Variants in PAQR5 observed in about 807,000 individuals in gnomAD.
The protein encoded by PAQR5 is progestin and adipoQ receptor family member 5, also known as membrane progestin receptor gamma.
In PAQR5, 20 loss-of-function variants were observed where a neutral mutation model predicts 34.5. The ratio of observed to expected loss-of-function variants is 0.58; its 90% CI spans 0.41 to 0.84. PAQR5 has a LOEUF of 0.84. Among genes scored for constraint, PAQR5 ranks in the 40% least tolerant of loss-of-function variants. PAQR5 has a pLI of 0.00. For synonymous variants in PAQR5, 131 were observed against 155.6 expected (o/e 0.84, Z 1.18); for missense variants, 378 against 412.7 (o/e 0.92, Z 0.73).
intron 6 of PAQR5, among the ~76,000 whole-genome samples, chr15:69,390,477 A>G (rs1192087729): frequency 6.6e-6 from 1 of 151,656 alleles, no homozygotes; most frequent in Non-Finnish European, 1.5e-5. Context: ...AATTTGTAAT[A>G]ATTTTTGAAC....
At chr15:69,332,292 T>C (rs575741986) in intron 1 of PAQR5, among the ~76,000 whole-genome samples, 42 of 152,334 alleles carry the variant, frequency 2.8e-4, no homozygotes, top group African/African-American at 9.6e-4. Flanking sequence ...TCAAGCCAGC[T>C]TGGCAGGCTG....
In PAQR5 at chr15:69,355,277, CTCTT is replaced by C. The variant is rs1163288457; in HGVS notation, c.-115-4679_-115-4676del. Among the ~76,000 whole-genome samples the C allele has an allele frequency of 2.8e-4, 43 of 151,202 alleles. 1 individual carries two copies. Among genetic ancestry groups the C allele is most frequent in the African/African-American group, 2.7e-4 (11 of 41,112 alleles). On this transcript the variant is annotated intron_variant, in intron 2 of 8. Transcript: ENST00000395407. The stretch of plus-strand genomic sequence containing the variant: ...ACAGGAGTATATTTGTCTTCTTTCT[CTCTT>C]TCTTTCTTTTCTTTCTTTCTTTCTT...
chr15:69,335,990 T>C (rs1373157780), intron 1 of PAQR5, among the ~76,000 whole-genome samples: 1 of 152,128 alleles, frequency 6.6e-6, no homozygotes, highest in African/African-American at 2.4e-5. Context: ...TAAAAGATAA[T>C]GAAAGTGGTT....
rs982868537 is a variant in PAQR5 at position 69,387,804 on chromosome 15, T to C, written c.386-1850T>C. Among the ~76,000 whole-genome samples, 4 of 152,140 alleles carry C rather than the reference T, an allele frequency of 2.6e-5. No individual in the cohort carries two copies. In the South Asian group the frequency reaches 8.3e-4, roughly 32 times the overall value. On this transcript the variant is annotated intron_variant, in intron 5 of 8. Transcript: ENST00000395407. ...GGTCTCCCTTCTCTGTATCCTCCCA[T>C]AGGCCATTCCCCAGAACTCCCTCTT...
At chr15:69,365,579 G>A (rs1321558642) in intron 3 of PAQR5, among the ~76,000 whole-genome samples, 1 of 151,964 alleles carries the variant, frequency 6.6e-6, no homozygotes, top group Non-Finnish European at 1.5e-5. Flanking sequence ...TTAATCTATT[G>A]CTAGAGTCAG....
At chr15:69,341,375 A>AG (rs1212210788) in intron 2 of PAQR5, among the ~76,000 whole-genome samples, 3 of 120,510 alleles carry the variant, frequency 2.5e-5, no homozygotes, top group Non-Finnish European at 5.3e-5. Flanking sequence ...TTTTTTTTAA[A>AG]AAATAGGGTC....
chr15:69,384,892 G>A lies in PAQR5; in HGVS notation c.385+10G>A. On this transcript the variant is annotated intron_variant, in intron 5 of 8. Transcript: ENST00000395407. ...AACCTCTTCAGCCTGGGTATGTGAG[G>A]CCTTGTTCTTGCTTTCCTTCCCCTG... is the stretch of plus-strand genomic sequence containing the variant. The A allele has an allele frequency of 6.2e-7, 1 of 1,609,610 alleles. No individual in the cohort carries two copies. The highest frequency in any genetic ancestry group is 2.2e-5 in the East Asian group (1 of 44,862).
chr15:69,399,492 T>C (rs2056555964), intron 7 of PAQR5, among the ~76,000 whole-genome samples: 1 of 152,210 alleles, frequency 6.6e-6, no homozygotes, highest in Non-Finnish European at 1.5e-5. Flanking sequence ...CTATTAGTAA[T>C]TAAGTTTGGG....
chr15:69,321,608 T>A (rs12439741), intron 1 of PAQR5, among the ~76,000 whole-genome samples: 7,580 of 152,310 alleles, frequency 0.05, 391 homozygotes, highest in East Asian at 0.15. Flanking sequence ...ATTAGTTTGT[T>A]TGAGATTTCC....
chr15:69,339,035 G>A (rs1386659977), intron 2 of PAQR5, among the ~76,000 whole-genome samples: 1 of 152,104 alleles, frequency 6.6e-6, no homozygotes, highest in Non-Finnish European at 1.5e-5. Context: ...TGGATCAGCA[G>A]GCACCGCTCA....
rs574185793 is a variant in PAQR5, at chr15:69,399,847, T to G, written c.610-127T>G. On this transcript the variant is annotated intron_variant, in intron 7 of 8. Transcript: ENST00000395407. ...AGGTGAGGGCCTTGGCCTCTGGAGT[T>G]TGTGTATGTGTGCTAACATGTGTGG... 4 of 911,360 alleles carry G rather than the reference T, an allele frequency of 4.4e-6. No homozygotes were observed. In the East Asian group the frequency reaches 7.4e-5, roughly 17 times the overall value. The allele number at this position is 911,360 out of a possible 1,614,324, so 56.5% of individuals were successfully genotyped here.
At chr15:69,361,597 G>A (rs1473708033) in intron 3 of PAQR5, among the ~76,000 whole-genome samples, 8 of 152,132 alleles carry the variant, frequency 5.3e-5, no homozygotes, top group South Asian at 4.1e-4. Flanking sequence ...GAAGAGGCAC[G>A]TCTTACATGA....
chr15:69,383,534 G>A lies in PAQR5; in HGVS notation c.180-1143G>A, dbSNP rs1415210588. Among the ~76,000 whole-genome samples the A allele has an allele frequency of 2.1e-5, 3 of 144,080 alleles. No individual in the cohort carries two copies. In the East Asian group the frequency reaches 6.3e-4, roughly 30 times the overall value. 94.5% of individuals were successfully genotyped at this position (144,080 alleles called of 152,430 possible). On this transcript the variant is annotated intron_variant, in intron 4 of 8. Transcript: ENST00000395407. Reference sequence around the variant, plus strand: ...CTGGCCCTCTGTGTTCATCGTGGAGGGTGAGCGGGCCCTCTGTATTCATGG... The same window carrying A: ...CTGGCCCTCTGTGTTCATCGTGGAGAGTGAGCGGGCCCTCTGTATTCATGG...
At chr15:69,369,967 T>C (rs1003876156) in intron 3 of PAQR5, among the ~76,000 whole-genome samples, 4 of 152,208 alleles carry the variant, frequency 2.6e-5, no homozygotes, top group Non-Finnish European at 5.9e-5. Flanking sequence ...CTGGTTTCCC[T>C]CTGTTTTGGG....
chr15:69,366,709 A>G (rs1295140493), intron 3 of PAQR5, among the ~76,000 whole-genome samples: 3 of 152,236 alleles, frequency 2.0e-5, no homozygotes, highest in East Asian at 1.9e-4. Context: ...ATATTTGTCC[A>G]TAAGATCAAT....
chr15:69,305,214 C>A (rs2053687915), intron 1 of PAQR5, among the ~76,000 whole-genome samples: 1 of 152,196 alleles, frequency 6.6e-6, no homozygotes, highest in Non-Finnish European at 1.5e-5. Context: ...CCTTCCCTTC[C>A]TGGCAACCAA....
Position 69,355,643 on chromosome 15 carries a change from A to G in PAQR5, c.-115-4323A>G, listed in dbSNP as rs2055058734. Among the ~76,000 whole-genome samples, 3 of 150,002 alleles carry G rather than the reference A, an allele frequency of 2.0e-5. No homozygotes were observed. In the East Asian group the frequency reaches 5.9e-4, roughly 30 times the overall value. ...ACCATGTTGGTCAGGCTGGTCTCGA[A>G]CTCCTGACCTCAGGTGATCCACCTG... On this transcript the variant is annotated intron_variant, in intron 2 of 8. Transcript: ENST00000395407.
chr15:69,309,265 T>C (rs1286263176), intron 1 of PAQR5, among the ~76,000 whole-genome samples: 3 of 151,894 alleles, frequency 2.0e-5, no homozygotes, highest in African/African-American at 7.3e-5. Flanking sequence ...CCAAGAGAGA[T>C]AGTGGAGGAC....
intron 1 of PAQR5, among the ~76,000 whole-genome samples, chr15:69,320,316 C>T (rs576350899): frequency 6.6e-6 from 1 of 152,362 alleles, no homozygotes; most frequent in East Asian, 1.9e-4. Context: ...ACCAGCTTTA[C>T]AGTCACTGAC....
Sources: allele counts gnomAD v4.1 joint callset (sites outside exome capture counted in the v4.1 genomes callset), GRCh38; gene constraint gnomAD v4.1.1; transcripts MANE v1.5; gene names NCBI Gene and HGNC (gene_info 2026-07-23, HGNC 2026-07-21).